The following DNAH11 variants were observed in gnomAD, a reference collection of about 807,000 sequenced individuals.
DNAH11 encodes axonemal beta dynein heavy chain 11.
A neutral mutation model predicts 526.0 loss-of-function variants in DNAH11; 442 were observed. That is an observed-to-expected ratio of 0.84 (90% confidence interval 0.78 to 0.91). The LOEUF is 0.91. Among genes scored for constraint, DNAH11 ranks in the 40% least tolerant of loss-of-function variants. The pLI is 0.00. For missense variants in DNAH11, 6,989 were observed against 5,448.7 expected (o/e 1.28, Z -8.90); for synonymous variants, 2,461 against 1,935.9 (o/e 1.27, Z -7.12).
At position 21,901,203 on chromosome 7, in the gene DNAH11, G is replaced by GAAGACTGCAAAATGGGTTCTGGC; in HGVS notation, c.13501_13523dup (p.Gly4509ArgfsTer14). Reference sequence around the variant, plus strand: ...GGACCTTCAGGCTGAAGAGCGAAGAGAAGACTGCAAAATGGGTTCTGGCTG... The same window carrying GAAGACTGCAAAATGGGTTCTGGC: ...GGACCTTCAGGCTGAAGAGCGAAGAGAAGACTGCAAAATGGGTTCTGGCAAGACTGCAAAATGGGTTCTGGCTG... On this transcript the variant is annotated frameshift_variant, in exon 82 of 82. Coordinates refer to ENST00000409508, the MANE Select transcript of DNAH11 (RefSeq NM_001277115.2). LOFTEE classifies it high-confidence loss of function. 1.2e-6 allele frequency: 2 copies of GAAGACTGCAAAATGGGTTCTGGC among 1,613,710 alleles called. No homozygotes were observed.
chr7:21,724,768 A>AGG (rs1562510557), intron 44 of DNAH11, among the ~76,000 whole-genome samples: 1 of 150,840 alleles, frequency 6.6e-6, no homozygotes, highest in Admixed American at 6.6e-5. Context: ...CATCCTATGA[A>AGG]TATAGGAGTC....
At chr7:21,782,696 G>A (rs1788000336) in intron 57 of DNAH11, among the ~76,000 whole-genome samples, 1 of 152,136 alleles carries the variant, frequency 6.6e-6, no homozygotes, top group African/African-American at 2.4e-5. Context: ...CGGATAACTT[G>A]AGGTCAGCAG....
chr7:21,723,324 T>A (rs1340569722), intron 44 of DNAH11, among the ~76,000 whole-genome samples: 1 of 152,214 alleles, frequency 6.6e-6, no homozygotes, highest in Non-Finnish European at 1.5e-5. Context: ...GGTATTTTAA[T>A]CTGCTTCCAG....
At chr7:21,723,974 A>G (rs1042178182) in intron 44 of DNAH11, among the ~76,000 whole-genome samples, 2 of 152,224 alleles carry the variant, frequency 1.3e-5, no homozygotes, top group African/African-American at 2.4e-5. Flanking sequence ...TGGACGACAC[A>G]TCTTCATGTT....
At chr7:21,782,558 G>T (rs1213449842) in intron 57 of DNAH11, among the ~76,000 whole-genome samples, 1 of 152,150 alleles carries the variant, frequency 6.6e-6, no homozygotes, top group African/African-American at 2.4e-5. Flanking sequence ...TTACCCAAAG[G>T]AAAAATACTC....
At position 21,559,649 on chromosome 7, in the gene DNAH11, G is replaced by T. The variant is rs376917588; in HGVS notation, c.739G>T (p.Val247Phe). 2 of 1,612,108 alleles carry T rather than the reference G, an allele frequency of 1.2e-6. No homozygotes were observed. Among genetic ancestry groups the T allele is most frequent in the Admixed American group, 1.7e-5 (1 of 59,816 alleles). The change falls in exon 4 of 82, where the codon GTT becomes TTT. Residue 247 changes from valine to phenylalanine, a missense_variant. Coordinates refer to ENST00000409508, the MANE Select transcript of DNAH11 (RefSeq NM_001277115.2). Reference protein sequence around the residue: ...RIILHAIESVVIEWSHQIQEI... With the variant: ...RIILHAIESVFIEWSHQIQEI... The stretch of plus-strand genomic sequence containing the variant: ...AATACTTCATGCAATTGAATCTGTG[G>T]TTATTGAATGGTCACATCAAATCCA...
At chr7:21,898,862 G>T (rs971685570) in intron 79 of DNAH11, among the ~76,000 whole-genome samples, 1 of 152,078 alleles carries the variant, frequency 6.6e-6, no homozygotes, top group African/African-American at 2.4e-5. Context: ...CTGCCGTCAC[G>T]TGCTCCACTG....
intron 30 of DNAH11, among the ~76,000 whole-genome samples, chr7:21,660,249 A>G (rs1782188647): frequency 6.6e-6 from 1 of 152,176 alleles, no homozygotes; most frequent in African/African-American, 2.4e-5. Flanking sequence ...ATTGATATTT[A>G]TGCTTTTATT....
rs1446313100 is a variant in DNAH11 at position 21,748,751 on chromosome 7, A to G, written c.8673+9A>G. 3 of 1,611,504 alleles carry G rather than the reference A, an allele frequency of 1.9e-6. No homozygotes were observed. The highest frequency in any genetic ancestry group is 1.7e-5 in the Admixed American group (1 of 59,892). ...GAATCCAGGAACTTCGGGTGAGTCAAGGGGACAGGCAGTTCTTCTGACCCT... is the reference window on the plus strand; with the variant it reads ...GAATCCAGGAACTTCGGGTGAGTCAGGGGGACAGGCAGTTCTTCTGACCCT... On this transcript the variant is annotated intron_variant, in intron 52 of 81. Coordinates refer to ENST00000409508, the MANE Select transcript of DNAH11 (RefSeq NM_001277115.2).
At chr7:21,575,871 A>G (rs746663517) in intron 8 of DNAH11, among the ~76,000 whole-genome samples, 27 of 152,358 alleles carry the variant, frequency 1.8e-4, no homozygotes, top group East Asian at 7.7e-4. Flanking sequence ...TGTCACTACA[A>G]TAGCATTGCT....
At chr7:21,564,536 A>T (rs1346256022) in intron 6 of DNAH11, 139 bp downstream of exon 6, 8 of 593,380 alleles carry the variant, frequency 1.3e-5, no homozygotes, top group Middle Eastern at 4.6e-4. Context: ...TTTTGGTAAC[A>T]AAGGCCAGGT....
At chr7:21,746,856 C>T (rs1786173324) in intron 51 of DNAH11, among the ~76,000 whole-genome samples, 1 of 152,066 alleles carries the variant, frequency 6.6e-6, no homozygotes, top group Admixed American at 6.5e-5. Flanking sequence ...ATTAGTAATG[C>T]TGTCTCGGGT....
chr7:21,659,513 C>T (rs1782156222), intron 30 of DNAH11, among the ~76,000 whole-genome samples: 1 of 151,828 alleles, frequency 6.6e-6, no homozygotes, highest in Admixed American at 6.6e-5. Context: ...GTGACCTTTC[C>T]TTAAGTCTTT....
chr7:21,629,352 G>A (rs1786493337), intron 25 of DNAH11, among the ~76,000 whole-genome samples: 1 of 152,018 alleles, frequency 6.6e-6, no homozygotes, highest in Non-Finnish European at 1.5e-5. Flanking sequence ...GAATCCATGT[G>A]CTGACAAAAA....
intron 14 of DNAH11, among the ~76,000 whole-genome samples, chr7:21,598,363 A>G (rs758333290): frequency 6.6e-6 from 1 of 152,138 alleles, no homozygotes; most frequent in Non-Finnish European, 1.5e-5. Flanking sequence ...TCTCTAGGCA[A>G]GCACACTGCG....
At chr7:21,642,900 T>G (rs919194199) in intron 28 of DNAH11, among the ~76,000 whole-genome samples, 1 of 152,152 alleles carries the variant, frequency 6.6e-6, no homozygotes, top group African/African-American at 2.4e-5. Context: ...TTGGTGTGTC[T>G]AGAATGCTGT....
At chr7:21,595,272 C>T (rs1784822666) in intron 14 of DNAH11, among the ~76,000 whole-genome samples, 1 of 152,176 alleles carries the variant, frequency 6.6e-6, no homozygotes, top group African/African-American at 2.4e-5. Context: ...GCTCTGCCCT[C>T]AGGACCTAAT....
At chr7:21,689,144 G>A (rs1416211365) in intron 34 of DNAH11, among the ~76,000 whole-genome samples, 1 of 152,152 alleles carries the variant, frequency 6.6e-6, no homozygotes, top group Non-Finnish European at 1.5e-5. Context: ...TTCCTGACCT[G>A]TCCCATCTCT....
rs150511334 is a variant in DNAH11 at position 21,708,317 on chromosome 7, C to G, written c.6683+482C>G. 7.0e-4 allele frequency among the ~76,000 whole-genome samples: 107 copies of G among 152,312 alleles called. 1 individual carries two copies. Among genetic ancestry groups the G allele is most frequent in the African/African-American group, 2.5e-3 (104 of 41,566 alleles). On this transcript the variant is annotated intron_variant, in intron 40 of 81. Coordinates refer to ENST00000409508, the MANE Select transcript of DNAH11 (RefSeq NM_001277115.2). Reference sequence around the variant, plus strand: ...AACCTTGGCATCATCCTTGAGGCCTCTCTCCCTCTTATACCCTACATCCAA... The same window carrying G: ...AACCTTGGCATCATCCTTGAGGCCTGTCTCCCTCTTATACCCTACATCCAA...
Sources: allele counts gnomAD v4.1 joint callset (sites outside exome capture counted in the v4.1 genomes callset), GRCh38; gene constraint gnomAD v4.1.1; transcripts MANE v1.5; gene names NCBI Gene and HGNC (gene_info 2026-07-23, HGNC 2026-07-21).